The following KIAA0040 variants were observed in gnomAD, a reference collection of about 807,000 sequenced individuals.
KIAA0040 encodes the protein KIAA0040.
A neutral mutation model predicts 7.2 loss-of-function variants in KIAA0040; 10 were observed. The ratio of observed to expected loss-of-function variants is 1.38; its 90% CI spans 0.85 to 2.34. The LOEUF (loss-of-function observed/expected upper bound fraction) is 2.34. Ranked by LOEUF, KIAA0040 falls within the 30% of genes most tolerant of loss-of-function variation. The pLI is 0.00. For synonymous variants in KIAA0040, 49 were observed against 40.1 expected, an observed-to-expected ratio of 1.22 and a Z score of -0.84; for missense variants, 89 against 108.2, an observed-to-expected ratio of 0.82 and a Z score of 0.79.
At chr1:175,170,831 C>T (rs1289559851) in intron 2 of KIAA0040, among the ~76,000 whole-genome samples, 2 of 151,986 alleles carry the variant, frequency 1.3e-5, no homozygotes, top group Middle Eastern at 6.8e-3. Flanking sequence ...GATCATATCA[C>T]CCCCAGGCCC....
At chr1:175,178,184 T>C (rs1402959849) in intron 1 of KIAA0040, among the ~76,000 whole-genome samples, 3 of 152,186 alleles carry the variant, frequency 2.0e-5, no homozygotes, top group Non-Finnish European at 4.4e-5. Context: ...GAATCCTCCA[T>C]GTGTACAAAT....
chr1:175,165,087 T>C (rs1316685638), intron 3 of KIAA0040, among the ~76,000 whole-genome samples: 1 of 152,224 alleles, frequency 6.6e-6, no homozygotes, highest in Non-Finnish European at 1.5e-5. Flanking sequence ...CTTTCAATTT[T>C]TTTGAAACCA....
chr1:175,190,000 AG>A (rs570268403), intron 1 of KIAA0040, among the ~76,000 whole-genome samples: 319 of 152,302 alleles, frequency 2.1e-3, no homozygotes, highest in Non-Finnish European at 3.4e-3. Context: ...ACTACTCTGT[AG>A]GGGTCTGAAA....
intron 2 of KIAA0040, among the ~76,000 whole-genome samples, chr1:175,169,800 C>T (rs1676913925): frequency 6.6e-6 from 1 of 152,198 alleles, no homozygotes; most frequent in Admixed American, 6.5e-5. Context: ...CTCTGCAGGG[C>T]TCTCCCAAGA....
At position 175,163,138 on chromosome 1, in the gene KIAA0040, G is replaced by A. The variant is rs148836105; in HGVS notation, c.-133-1992C>T. ...CGCAAGGAGTGATCTGTTCACAGGC[G>A]TTGCTCTGTGGCCTCCTATTCCTTT... On this transcript the variant is annotated intron_variant, in intron 3 of 3. Coordinates refer to ENST00000423313, the MANE Select transcript of KIAA0040 (RefSeq NM_014656.3). Among the ~76,000 whole-genome samples the A allele has an allele frequency of 9.1e-3, 1,387 of 152,286 alleles. 24 individuals carry two copies. The highest frequency in any genetic ancestry group is 0.031 in the African/African-American group (1,298 of 41,556).
At chr1:175,173,952 G>T (rs898019626) in intron 2 of KIAA0040, among the ~76,000 whole-genome samples, 1 of 151,204 alleles carries the variant, frequency 6.6e-6, no homozygotes, top group East Asian at 1.9e-4. Context: ...CTAGTCCTAA[G>T]ATTTGGCCAC....
At chr1:175,169,942 G>A (rs1449865471) in intron 2 of KIAA0040, among the ~76,000 whole-genome samples, 2 of 152,020 alleles carry the variant, frequency 1.3e-5, no homozygotes. Flanking sequence ...TGTCAGTTCC[G>A]GTCCTGGCAC....
chr1:175,164,867 A>C (rs1311594132), intron 3 of KIAA0040, among the ~76,000 whole-genome samples: 1 of 152,238 alleles, frequency 6.6e-6, no homozygotes, highest in African/African-American at 2.4e-5. Flanking sequence ...GCATGAATTA[A>C]AAGTGAGAAC....
At position 175,160,332 on chromosome 1, in the gene KIAA0040, C is replaced by T; in HGVS notation, c.*382G>A. ...CCATTTGATGAGCAGAATATACTTG[C>T]CCACGTACCTGCTACCTGAATTTGT... On this transcript the variant is annotated 3_prime_UTR_variant, in exon 4 of 4. Transcript: ENST00000423313. The T allele has an allele frequency of 4.8e-6, 1 of 210,402 alleles. No homozygotes were observed. Among genetic ancestry groups the T allele is most frequent in the Non-Finnish European group, 9.6e-6 (1 of 104,118 alleles). 13.0% of individuals were successfully genotyped at this position (210,402 alleles called of 1,614,324 possible).
chr1:175,186,477 G>C (rs1310612005), intron 1 of KIAA0040, among the ~76,000 whole-genome samples: 4 of 152,182 alleles, frequency 2.6e-5, no homozygotes, highest in African/African-American at 9.7e-5. Context: ...GAAAATGTCA[G>C]TCAGGAGCAT....
chr1:175,186,913 T>C (rs1299703228), intron 1 of KIAA0040, among the ~76,000 whole-genome samples: 1 of 152,186 alleles, frequency 6.6e-6, no homozygotes, highest in Non-Finnish European at 1.5e-5. Flanking sequence ...GTCACCCATG[T>C]AATGAGATGG....
At chr1:175,172,767 G>A (rs1341872078) in intron 2 of KIAA0040, among the ~76,000 whole-genome samples, 2 of 152,206 alleles carry the variant, frequency 1.3e-5, no homozygotes, top group African/African-American at 4.8e-5. Context: ...CTGGTAGAAA[G>A]TGGACTGGCA....
At chr1:175,171,502 A>G (rs1476967400) in intron 2 of KIAA0040, among the ~76,000 whole-genome samples, 2 of 152,248 alleles carry the variant, frequency 1.3e-5, no homozygotes, top group Non-Finnish European at 2.9e-5. Flanking sequence ...GGGGAGAAAG[A>G]GTAGAAGAAC....
rs1413431975 is a variant in KIAA0040, at chr1:175,163,674, T to C, written c.-133-2528A>G. ...TTGAGTGGGTCTGTGCCCCTGTCTG[T>C]TGGGATCTTTCTGCTCTGTTGTGGA... On this transcript the variant is annotated intron_variant, in intron 3 of 3. Coordinates refer to ENST00000423313, the MANE Select transcript of KIAA0040 (RefSeq NM_014656.3). 2.6e-5 allele frequency among the ~76,000 whole-genome samples: 4 copies of C among 152,248 alleles called. No homozygotes were observed. In the East Asian group the frequency reaches 7.7e-4, roughly 29 times the overall value.
At chr1:175,173,743 C>T (rs1291032926) in intron 2 of KIAA0040, among the ~76,000 whole-genome samples, 1 of 152,192 alleles carries the variant, frequency 6.6e-6, no homozygotes, top group Non-Finnish European at 1.5e-5. Flanking sequence ...CCTCAAGGAG[C>T]TCATGTTTTA....
chr1:175,166,287 G>A (rs899218115), intron 3 of KIAA0040, among the ~76,000 whole-genome samples: 1 of 152,208 alleles, frequency 6.6e-6, no homozygotes, highest in African/African-American at 2.4e-5. Context: ...GATCCCAGGT[G>A]ACAGCAGGAT....
chr1:175,176,037 T>TA (rs1006955938), intron 2 of KIAA0040, among the ~76,000 whole-genome samples: 1 of 152,050 alleles, frequency 6.6e-6, no homozygotes, highest in Non-Finnish European at 1.5e-5. Context: ...AAAATAAAAA[T>TA]AAAAAAATAA....
At chr1:175,191,646 C>T (rs1293141995) in intron 1 of KIAA0040, among the ~76,000 whole-genome samples, 1 of 152,224 alleles carries the variant, frequency 6.6e-6, no homozygotes, top group Non-Finnish European at 1.5e-5. Flanking sequence ...TGCATCAATG[C>T]TATGTTTAAG....
chr1:175,184,636 A>T (rs1462992555), intron 1 of KIAA0040, among the ~76,000 whole-genome samples: 1 of 152,232 alleles, frequency 6.6e-6, no homozygotes, highest in Non-Finnish European at 1.5e-5. Flanking sequence ...CCTATGTTTA[A>T]TAAGTGGCAA....
Sources: allele counts gnomAD v4.1 joint callset (sites outside exome capture counted in the v4.1 genomes callset), GRCh38; gene constraint gnomAD v4.1.1; transcripts MANE v1.5; gene names NCBI Gene and HGNC (gene_info 2026-07-23, HGNC 2026-07-21).